SLC9A9: variants seen among roughly 807,000 people sequenced by gnomAD.
The protein encoded by SLC9A9 is solute carrier family 9 member A9, also known as sodium/hydrogen exchanger 9.
In SLC9A9, 62 loss-of-function variants were observed where a neutral mutation model predicts 77.8. The ratio of observed to expected loss-of-function variants is 0.80; its 90% CI spans 0.65 to 0.98. The LOEUF is 0.98. Among genes scored for constraint, SLC9A9 ranks in the 50% least tolerant of loss-of-function variants. The probability of loss-of-function intolerance (pLI) is 0.00; values close to 1 mark genes in which losing one functional copy is unlikely to be tolerated. For synonymous variants in SLC9A9, 320 were observed against 283.5 expected, an observed-to-expected ratio of 1.13 and a Z score of -1.29; for missense variants, 775 against 774.9, an observed-to-expected ratio of 1.00 and a Z score of 0.00.
intron 6 of SLC9A9, among the ~76,000 whole-genome samples, chr3:143,606,436 C>CTATATATATA (rs60773685): frequency 0.017 from 924 of 54,090 alleles, 20 homozygotes; most frequent in Non-Finnish European, 0.02. Flanking sequence ...CTCTCTCTCT[C>CTATATATATA]TATATATATA....
At chr3:143,636,386 C>T (rs916076339) in intron 6 of SLC9A9, among the ~76,000 whole-genome samples, 1 of 152,122 alleles carries the variant, frequency 6.6e-6, no homozygotes, top group African/African-American at 2.4e-5. Flanking sequence ...TAATATTTTG[C>T]CATTTAAGTC....
intron 11 of SLC9A9, among the ~76,000 whole-genome samples, chr3:143,473,075 C>T (rs571813240): frequency 2.0e-5 from 3 of 152,050 alleles, no homozygotes; most frequent in South Asian, 2.1e-4. Flanking sequence ...TAGTCACTCA[C>T]GCCAGCATCC....
chr3:143,412,787 C>A (rs939008872), intron 12 of SLC9A9, among the ~76,000 whole-genome samples: 2 of 152,228 alleles, frequency 1.3e-5, no homozygotes, highest in Non-Finnish European at 2.9e-5. Context: ...CCACCCCAAA[C>A]TCTAAATAAC....
chr3:143,737,855 A>ACAG (rs1483269135), intron 4 of SLC9A9, among the ~76,000 whole-genome samples: 3 of 152,220 alleles, frequency 2.0e-5, no homozygotes, highest in Non-Finnish European at 1.5e-5. Context: ...ACCATCAGCA[A>ACAG]CAGCAGCAGC....
At chr3:143,698,731 T>C (rs1293890204) in intron 4 of SLC9A9, among the ~76,000 whole-genome samples, 6 of 152,158 alleles carry the variant, frequency 3.9e-5, no homozygotes, top group Admixed American at 3.9e-4. Context: ...CTTCACTAAA[T>C]TATGAATAGA....
intron 9 of SLC9A9, among the ~76,000 whole-genome samples, chr3:143,528,427 G>A (rs1325291830): frequency 6.6e-6 from 1 of 152,160 alleles, no homozygotes; most frequent in East Asian, 1.9e-4. Context: ...TACACATTTA[G>A]GAAATAAGAA....
intron 6 of SLC9A9, among the ~76,000 whole-genome samples, chr3:143,628,122 G>C (rs2038361993): frequency 6.6e-6 from 1 of 152,160 alleles, no homozygotes; most frequent in South Asian, 2.1e-4. Flanking sequence ...CTTTTGTTTA[G>C]AATGTGAGCA....
intron 14 of SLC9A9, among the ~76,000 whole-genome samples, chr3:143,305,710 C>A (rs2030749971): frequency 6.6e-6 from 1 of 152,112 alleles, no homozygotes; most frequent in African/African-American, 2.4e-5. Context: ...TAATGAAGAT[C>A]AATTCTATTT....
intron 12 of SLC9A9, among the ~76,000 whole-genome samples, chr3:143,406,576 G>A (rs1157863684): frequency 1.3e-5 from 2 of 151,976 alleles, no homozygotes; most frequent in Non-Finnish European, 2.9e-5. Context: ...GGTCAAGCTG[G>A]TCTTGAACTC....
intron 6 of SLC9A9, among the ~76,000 whole-genome samples, chr3:143,603,285 G>T (rs114477045): frequency 2.6e-5 from 4 of 152,286 alleles, no homozygotes; most frequent in Non-Finnish European, 5.9e-5. Context: ...ATGCTTCCAG[G>T]TTACTGTGGT....
intron 2 of SLC9A9, among the ~76,000 whole-genome samples, chr3:143,826,258 T>TAA (rs1559816442): frequency 5.6e-5 from 7 of 124,164 alleles, no homozygotes; most frequent in Non-Finnish European, 3.2e-5. Flanking sequence ...GACTCTGTCT[T>TAA]GAAAAAAAAA....
chr3:143,815,446 C>T (rs2008980560), intron 2 of SLC9A9, among the ~76,000 whole-genome samples: 1 of 152,106 alleles, frequency 6.6e-6, no homozygotes, highest in South Asian at 2.1e-4. Context: ...GACTATTGCC[C>T]CCTCCTTCCT....
intron 12 of SLC9A9, among the ~76,000 whole-genome samples, chr3:143,434,047 T>C (rs1284639808): frequency 2.6e-5 from 4 of 152,174 alleles, no homozygotes; most frequent in Non-Finnish European, 5.9e-5. Context: ...ATCTTTAAAA[T>C]GGACACAATA....
At chr3:143,838,796 AAAG>A (rs1320058193) in intron 1 of SLC9A9, among the ~76,000 whole-genome samples, 1 of 152,244 alleles carries the variant, frequency 6.6e-6, no homozygotes, top group Non-Finnish European at 1.5e-5. Context: ...ATGTGAGCAT[AAAG>A]AAGAAGGAAA....
At chr3:143,350,474 G>T (rs1040611717) in intron 14 of SLC9A9, among the ~76,000 whole-genome samples, 4 of 152,054 alleles carry the variant, frequency 2.6e-5, no homozygotes, top group Non-Finnish European at 5.9e-5. Flanking sequence ...AACACATCTT[G>T]TTAGTCTCTC....
intron 2 of SLC9A9, among the ~76,000 whole-genome samples, chr3:143,820,907 A>AT (rs36029573): frequency 0.23 from 33,381 of 142,086 alleles, 3,804 homozygotes; most frequent in South Asian, 0.34. Context: ...TCTTTGTCTT[A>AT]TTTTTTTTTT....
chr3:143,785,879 C>T (rs1453204041), intron 4 of SLC9A9, among the ~76,000 whole-genome samples: 5 of 104,686 alleles, frequency 4.8e-5, no homozygotes, highest in African/African-American at 1.0e-4. Context: ...TTTTTTGAGA[C>T]GGAGTTTCGC....
intron 12 of SLC9A9, among the ~76,000 whole-genome samples, chr3:143,417,093 T>C (rs567217039): frequency 2.0e-5 from 3 of 152,102 alleles, no homozygotes; most frequent in Admixed American, 2.0e-4. Context: ...GAGATACTGA[T>C]GATATAGGAG....
chr3:143,479,501 C>T (rs1220963183), intron 11 of SLC9A9, among the ~76,000 whole-genome samples: 1 of 152,154 alleles, frequency 6.6e-6, no homozygotes. Context: ...AATCCTCCCA[C>T]TTTAGCCTCC....
Sources: allele counts gnomAD v4.1 joint callset (sites outside exome capture counted in the v4.1 genomes callset), GRCh38; gene constraint gnomAD v4.1.1; transcripts MANE v1.5; gene names NCBI Gene and HGNC (gene_info 2026-07-23, HGNC 2026-07-21).